The following RREB1 variants were observed in gnomAD, a reference collection of about 807,000 sequenced individuals.
RREB1 encodes the protein ras responsive element binding protein 1, also known as ras-responsive element-binding protein 1.
Under a neutral mutation model 117.8 loss-of-function variants are expected in RREB1, and 27 were observed. The ratio of observed to expected loss-of-function variants is 0.23; its 90% CI spans 0.17 to 0.32. The LOEUF is 0.32. Ranked by LOEUF, RREB1 falls within the 10% of genes least tolerant of loss-of-function variation. The pLI, the probability that RREB1 is intolerant of heterozygous loss-of-function variation, is 1.00. For missense variants in RREB1, 2,577 were observed against 2,378.2 expected, an observed-to-expected ratio of 1.08 and a Z score of -1.74; for synonymous variants, 1,298 against 1,026.7, an observed-to-expected ratio of 1.26 and a Z score of -5.05.
intron 4 of RREB1, among the ~76,000 whole-genome samples, 192 bp downstream of exon 4, chr6:7,182,274 C>T (rs569832863): frequency 6.6e-6 from 1 of 152,148 alleles, no homozygotes; most frequent in Non-Finnish European, 1.5e-5. Context: ...AGAAGGTTTT[C>T]TTTGCTGTGG....
At chr6:7,110,641 C>T (rs555912284) in intron 1 of RREB1, among the ~76,000 whole-genome samples, 5 of 152,268 alleles carry the variant, frequency 3.3e-5, no homozygotes, top group Admixed American at 3.3e-4. Flanking sequence ...AAAAAAATAC[C>T]TTTCCCCCAT....
intron 10 of RREB1, among the ~76,000 whole-genome samples, chr6:7,233,753 G>A (rs1011075697): frequency 2.0e-5 from 3 of 152,126 alleles, no homozygotes; most frequent in Non-Finnish European, 4.4e-5. Context: ...GTGTCCAGGT[G>A]GAAATGCATT....
At chr6:7,245,169 G>A (rs1229537510) in intron 11 of RREB1, among the ~76,000 whole-genome samples, 1 of 152,226 alleles carries the variant, frequency 6.6e-6, no homozygotes, top group East Asian at 1.9e-4. Flanking sequence ...GCTGAGGTGG[G>A]TAGATCGCCT....
chr6:7,244,012 A>G (rs1768867943), intron 11 of RREB1, among the ~76,000 whole-genome samples: 3 of 152,176 alleles, frequency 2.0e-5, no homozygotes, highest in Admixed American at 6.5e-5. Flanking sequence ...CTGTAATCCT[A>G]GCCCTTTTAG....
At chr6:7,171,711 A>T (rs572620285) in intron 1 of RREB1, among the ~76,000 whole-genome samples, 2 of 152,284 alleles carry the variant, frequency 1.3e-5, no homozygotes, top group South Asian at 4.1e-4. Flanking sequence ...TGTGATGGCA[A>T]CATTAGAGGT....
intron 1 of RREB1, among the ~76,000 whole-genome samples, chr6:7,168,765 G>C (rs1764076494): frequency 6.6e-6 from 1 of 152,144 alleles, no homozygotes; most frequent in Non-Finnish European, 1.5e-5. Context: ...CAATCCTCTA[G>C]CTTGCTAATG....
Position 7,181,220 on chromosome 6 carries a change from A to C in RREB1, c.-69A>C, listed in dbSNP as rs1276596510. The C allele has an allele frequency of 5.0e-6, 2 of 398,730 alleles. No homozygotes were observed. Among genetic ancestry groups the C allele is most frequent in the African/African-American group, 2.1e-5 (1 of 48,630 alleles). The allele number at this position is 398,730 out of a possible 1,614,324, so 24.7% of individuals were successfully genotyped here. ...TAGCTACAGCAGGGGAAAGTTTCAT[A>C]GTCTATCAGTGGGTCAGAAAATGGA... On this transcript the variant is annotated 5_prime_UTR_variant, in exon 3 of 13. Coordinates refer to ENST00000379938, the MANE Select transcript of RREB1 (RefSeq NM_001003699.4).
intron 11 of RREB1, among the ~76,000 whole-genome samples, chr6:7,242,448 T>C (rs1258013209): frequency 1.3e-5 from 2 of 152,154 alleles, no homozygotes; most frequent in African/African-American, 2.4e-5. Context: ...GAAAAGTCAC[T>C]GAAAGTTGTA....
rs755281893 is a variant in RREB1, at chr6:7,248,570, G to A, written c.4831G>A (p.Val1611Ile). The A allele has an allele frequency of 2.0e-5, 33 of 1,614,250 alleles. No individual in the cohort carries two copies. The South Asian group carries it at 3.6e-4, about 18-fold the overall frequency. Reference sequence around the variant, plus strand: ...AACCTTCACCTTGAAGCACAGCCTGGTTCGCCACCAGCGGATCCACCAGAA... The same window carrying A: ...AACCTTCACCTTGAAGCACAGCCTGATTCGCCACCAGCGGATCCACCAGAA... ...ERTFTLKHSL[V>I]RHQRIHQKAR... is the part of the protein sequence containing the mutation. The change falls in exon 13 of 13, where the codon GTT becomes ATT. Residue 1611 changes from valine (V) to isoleucine (I), a missense_variant. Val to Ile is a conservative substitution (Grantham distance 29). Coordinates refer to ENST00000379938, the MANE Select transcript of RREB1 (RefSeq NM_001003699.4).
In RREB1 at chr6:7,251,384, T is replaced by G. The variant is rs1346176356; in HGVS notation, c.*2416T>G. On this transcript the variant is annotated 3_prime_UTR_variant, in exon 13 of 13. Transcript: ENST00000379938. Reference sequence around the variant, plus strand: ...AGTTTGCATGTCCAGCTAATTTGTTTCTATACATTTTGTTTGATTCTCTTT... The same window carrying G: ...AGTTTGCATGTCCAGCTAATTTGTTGCTATACATTTTGTTTGATTCTCTTT... 6.6e-6 allele frequency: 1 copy of G among 152,192 alleles called. No individual in the cohort carries two copies. Among genetic ancestry groups the G allele is most frequent in the Non-Finnish European group, 1.5e-5 (1 of 68,040 alleles). The allele number at this position is 152,192 out of a possible 1,614,324, so 9.4% of individuals were successfully genotyped here.
At chr6:7,145,999 C>G (rs186999444) in intron 1 of RREB1, among the ~76,000 whole-genome samples, 11 of 151,926 alleles carry the variant, frequency 7.2e-5, no homozygotes, top group South Asian at 2.1e-4. Flanking sequence ...TTCCCTACCC[C>G]CTACGCCACC....
At chr6:7,161,768 G>A (rs941675722) in intron 1 of RREB1, among the ~76,000 whole-genome samples, 46 of 152,014 alleles carry the variant, frequency 3.0e-4, no homozygotes, top group Admixed American at 1.4e-3. Context: ...CATTCTCGAC[G>A]CCTGCCTGGC....
At position 7,177,219 on chromosome 6, in the gene RREB1, A is replaced by C. The variant is rs1160855178; in HGVS notation, c.-166+446A>C. Among the ~76,000 whole-genome samples, 23 of 113,388 alleles carry C rather than the reference A, an allele frequency of 2.0e-4. No homozygotes were observed. In the South Asian group the frequency reaches 3.4e-3, roughly 17 times the overall value. 74.4% of individuals were successfully genotyped at this position (113,388 alleles called of 152,430 possible). ...GGGCAATAGAGTGAGACTGTCTCAC[A>C]AAAAAAAAAAAAAAAAAAAAAAAGG... On this transcript the variant is annotated intron_variant, in intron 2 of 12. Transcript: ENST00000379938.
At chr6:7,156,130 A>T (rs1212080780) in intron 1 of RREB1, among the ~76,000 whole-genome samples, 1 of 152,228 alleles carries the variant, frequency 6.6e-6, no homozygotes, top group African/African-American at 2.4e-5. Flanking sequence ...TTCACACTTA[A>T]GAGTCTAGAC....
At chr6:7,180,518 A>C (rs927346902) in intron 2 of RREB1, among the ~76,000 whole-genome samples, 1 of 152,228 alleles carries the variant, frequency 6.6e-6, no homozygotes, top group African/African-American at 2.4e-5. Context: ...TCAGCTGTAG[A>C]ATATCCTCCT....
In RREB1 at chr6:7,193,340, T is replaced by A. The variant is rs2059296230; in HGVS notation, c.425+4018T>A. On this transcript the variant is annotated intron_variant, in intron 6 of 12. Transcript: ENST00000379938. ...GTGGAGTGTTCTGTAGATTTGCTGT[T>A]GGGTCTAGTAGGTTTATAGCATTGT... Among the ~76,000 whole-genome samples the A allele has an allele frequency of 2.0e-5, 3 of 152,216 alleles. No individual in the cohort carries two copies. The South Asian group carries it at 6.2e-4, about 31-fold the overall frequency.
intron 1 of RREB1, among the ~76,000 whole-genome samples, chr6:7,127,330 G>T (rs2113340322): frequency 6.6e-6 from 1 of 152,086 alleles, no homozygotes; most frequent in Non-Finnish European, 1.5e-5. Context: ...GTGTGAACTT[G>T]GAATTTGGTA....
At chr6:7,201,501 C>A (rs540986910) in intron 6 of RREB1, among the ~76,000 whole-genome samples, 91 of 141,456 alleles carry the variant, frequency 6.4e-4, no homozygotes, top group Non-Finnish European at 1.2e-3. Context: ...TTGTCCCCCC[C>A]CCCCAACCCC....
At chr6:7,161,099 G>A (rs776904505) in intron 1 of RREB1, among the ~76,000 whole-genome samples, 8 of 152,126 alleles carry the variant, frequency 5.3e-5, no homozygotes, top group Non-Finnish European at 7.4e-5. Flanking sequence ...GCAAAGTGCT[G>A]GGATTACAGG....
Sources: allele counts gnomAD v4.1 joint callset (sites outside exome capture counted in the v4.1 genomes callset), GRCh38; gene constraint gnomAD v4.1.1; transcripts MANE v1.5; gene names NCBI Gene and HGNC (gene_info 2026-07-23, HGNC 2026-07-21).